EXD2: variants seen among roughly 807,000 people sequenced by gnomAD.
The protein encoded by EXD2 is exonuclease 3'-5' domain containing 2.
In EXD2, 40 loss-of-function variants were observed where a neutral mutation model predicts 62.5. The ratio of observed to expected loss-of-function variants is 0.64; its 90% CI spans 0.50 to 0.83. The LOEUF is 0.83. Among genes scored for constraint, EXD2 ranks in the 40% least tolerant of loss-of-function variants. EXD2 has a pLI of 0.00. For synonymous variants in EXD2, 239 were observed against 291.9 expected, an observed-to-expected ratio of 0.82 and a Z score of 1.85; for missense variants, 671 against 761.8, an observed-to-expected ratio of 0.88 and a Z score of 1.40.
intron 3 of EXD2, among the ~76,000 whole-genome samples, chr14:69,219,578 T>C (rs1252407718): frequency 1.3e-5 from 2 of 152,216 alleles, no homozygotes; most frequent in Non-Finnish European, 2.9e-5. Flanking sequence ...CTTTAGTTTC[T>C]TTTAATAATG....
At chr14:69,229,996 ACT>A (rs1223471488) in intron 4 of EXD2, among the ~76,000 whole-genome samples, 2 of 152,206 alleles carry the variant, frequency 1.3e-5, no homozygotes, top group Admixed American at 1.3e-4. Flanking sequence ...GAAAATTAAA[ACT>A]CTGCGAAAGT....
intron 3 of EXD2, among the ~76,000 whole-genome samples, chr14:69,226,897 A>G (rs1161779236): frequency 6.6e-6 from 1 of 151,758 alleles, no homozygotes; most frequent in African/African-American, 2.4e-5. Context: ...TGCTTGAAAC[A>G]TTCCTTTGGC....
At chr14:69,201,849 AT>A (rs1196781843) in intron 1 of EXD2, among the ~76,000 whole-genome samples, 1 of 151,646 alleles carries the variant, frequency 6.6e-6, no homozygotes, top group Non-Finnish European at 1.5e-5. Flanking sequence ...CACCCGGCTA[AT>A]TTTTGTAATC....
chr14:69,222,042 C>A (rs1022334704), intron 3 of EXD2, among the ~76,000 whole-genome samples: 1 of 149,758 alleles, frequency 6.7e-6, no homozygotes, highest in South Asian at 2.1e-4. Context: ...GAGCCAAGAT[C>A]GTGCCATTGC....
rs149396013 is a variant in EXD2, at chr14:69,241,585, A to C, written c.*485A>C. On this transcript the variant is annotated 3_prime_UTR_variant, in exon 10 of 10. Coordinates refer to ENST00000685843, the MANE Select transcript of EXD2 (RefSeq NM_001193360.2). The stretch of plus-strand genomic sequence containing the variant: ...GAGTCAAATTTATTTTCCCAATTCA[A>C]CTTCATAATTATCATTTCTTTGGCT... The C allele has an allele frequency of 3.0e-6, 1 of 335,508 alleles. No individual in the cohort carries two copies. Among genetic ancestry groups the C allele is most frequent in the East Asian group, 4.8e-5 (1 of 20,874 alleles). 20.8% of individuals were successfully genotyped at this position (335,508 alleles called of 1,614,324 possible).
intron 9 of EXD2, among the ~76,000 whole-genome samples, chr14:69,238,585 A>G (rs2043878158): frequency 6.6e-6 from 1 of 151,526 alleles, no homozygotes. Flanking sequence ...TGTTTGGTAC[A>G]GATAGTACAG....
At chr14:69,228,548 C>G (rs1165122754) in intron 3 of EXD2, among the ~76,000 whole-genome samples, 1 of 152,096 alleles carries the variant, frequency 6.6e-6, no homozygotes, top group African/African-American at 2.4e-5. Flanking sequence ...TGTCCCAGAG[C>G]TCCCCTGTGT....
intron 9 of EXD2, among the ~76,000 whole-genome samples, chr14:69,238,326 G>A (rs1008921676): frequency 6.6e-6 from 1 of 152,126 alleles, no homozygotes; most frequent in African/African-American, 2.4e-5. Context: ...AGTTCCCCAT[G>A]AGATACAGTA....
rs922181403 is a variant in EXD2 at position 69,236,515 on chromosome 14, T to C, written c.1265T>C (p.Val422Ala). The change falls in exon 8 of 10, where the codon GTG (valine) becomes GCG (alanine). Residue 422 changes from valine (V) to alanine (A), a missense_variant. Physicochemically the swap from Val to Ala is moderately conservative, Grantham distance 64. Coordinates refer to ENST00000685843, the MANE Select transcript of EXD2 (RefSeq NM_001193360.2). ...ATGGTTAAAGAGAACCTGTGTGTAG[T>C]GTGTGGCAAGAGAGACTCCTACATT... ...YLMVKENLCV[V>A]CGKRDSYIRK... The C allele has an allele frequency of 3.1e-6, 5 of 1,614,102 alleles. No homozygotes were observed. In the Middle Eastern group the frequency reaches 8.2e-4, roughly 266 times the overall value.
chr14:69,221,316 A>G (rs1218854511), intron 3 of EXD2, among the ~76,000 whole-genome samples: 1 of 152,254 alleles, frequency 6.6e-6, no homozygotes, highest in Non-Finnish European at 1.5e-5. Flanking sequence ...TGGTGAAGCC[A>G]TCTGGAGTTC....
At chr14:69,193,128 A>G (rs6573876) in intron 1 of EXD2, among the ~76,000 whole-genome samples, 102,702 of 150,118 alleles carry the variant, frequency 0.68, 35,732 homozygotes, top group East Asian at 1. Context: ...GCGTGATCTC[A>G]GCTCACTGCA....
intron 6 of EXD2, 61 bp downstream of exon 6, chr14:69,235,092 A>G: frequency 6.9e-7 from 1 of 1,448,374 alleles, no homozygotes; most frequent in Non-Finnish European, 9.2e-7. Context: ...AAAGGGTTTG[A>G]TGCTTCCCTG....
Position 69,237,590 on chromosome 14 carries a change from A to G in EXD2, c.1308A>G (p.Pro436=). 1 of 1,614,172 alleles carries G rather than the reference A, an allele frequency of 6.2e-7. No homozygotes were observed. Among genetic ancestry groups the G allele is most frequent in the Non-Finnish European group, 8.5e-7 (1 of 1,179,996 alleles). ...CTTGTTCCAGGAAGAACGTGATTCC[A>G]CATGAGTACCGGAAGCACTTCCCCA... The part of the protein sequence containing the change: ...RDSYIRKNVI[P]HEYRKHFPIE... Residue 436 remains proline (P), a synonymous_variant, in exon 9 of 10, where the codon CCA becomes CCG. Coordinates refer to ENST00000685843, the MANE Select transcript of EXD2 (RefSeq NM_001193360.2).
intron 5 of EXD2, among the ~76,000 whole-genome samples, chr14:69,231,075 C>T (rs1411792580): frequency 1.3e-5 from 2 of 152,010 alleles, no homozygotes; most frequent in Non-Finnish European, 2.9e-5. Flanking sequence ...GCCAAGAGTC[C>T]TGATTTTTTT....
chr14:69,220,612 G>A (rs868241241), intron 3 of EXD2, among the ~76,000 whole-genome samples: 22 of 146,408 alleles, frequency 1.5e-4, no homozygotes, highest in Middle Eastern at 3.3e-3. Context: ...GGCTCACTCC[G>A]GTAATCCCAG....
At chr14:69,197,600 A>AGTCCCCAGTGTCTGTTGTTCCCGTCTT (rs1390091654) in intron 1 of EXD2, among the ~76,000 whole-genome samples, 1 of 151,862 alleles carries the variant, frequency 6.6e-6, no homozygotes, top group Non-Finnish European at 1.5e-5. Flanking sequence ...CCCCTCTGGT[A>AGTCCCCAGTGTCTGTTGTTCCCGTCTT]GTCCCCAGTG....
Position 69,235,035 on chromosome 14 carries a change from A to G in EXD2, c.1049+4A>G. The G allele has an allele frequency of 6.3e-7, 1 of 1,577,422 alleles. No homozygotes were observed. Among genetic ancestry groups the G allele is most frequent in the South Asian group, 1.2e-5 (1 of 84,416 alleles). ...TGGGGGTGGGCTATTCTGCCAGGTA[A>G]CTGAATCACTCCCTGTCTAGTAAAG... On this transcript the variant is annotated splice_donor_region_variant and intron_variant, in intron 6 of 9. Coordinates refer to ENST00000685843, the MANE Select transcript of EXD2 (RefSeq NM_001193360.2).
In EXD2 at chr14:69,209,823, T is replaced by C; in HGVS notation, c.333+20T>C. The C allele has an allele frequency of 7.8e-7, 1 of 1,276,358 alleles. No homozygotes were observed. The highest frequency in any genetic ancestry group is 1.0e-6 in the Non-Finnish European group (1 of 986,774). The allele number at this position is 1,276,358 out of a possible 1,614,324, so 79.1% of individuals were successfully genotyped here. On this transcript the variant is annotated intron_variant, in intron 3 of 9. Coordinates refer to ENST00000685843, the MANE Select transcript of EXD2 (RefSeq NM_001193360.2). The stretch of plus-strand genomic sequence containing the variant: ...GAGTGGGTAAGTTAAAAAGCAAAAG[T>C]TAAAAAAAAAAAAAAAAAACAACTT...
At chr14:69,228,600 G>A (rs908926307) in intron 3 of EXD2, among the ~76,000 whole-genome samples, 12 of 152,086 alleles carry the variant, frequency 7.9e-5, no homozygotes, top group African/African-American at 2.7e-4. Flanking sequence ...AGACCTTGGC[G>A]TTTGGGGTTC....
Sources: gnomAD v4.1 joint callset for allele counts (sites outside exome capture counted in the v4.1 genomes callset) on GRCh38, gnomAD v4.1.1 for gene constraint, MANE v1.5 for transcripts, NCBI Gene and HGNC (gene_info 2026-07-23, HGNC 2026-07-21) for gene names.